TICAM2: variants seen among roughly 807,000 people sequenced by gnomAD.
The protein encoded by TICAM2 is TIR domain-containing adapter molecule 2.
TICAM2 carries 8 observed loss-of-function variants against 7.3 expected under a neutral mutation model. The observed-to-expected ratio is 1.10, with a 90% CI of 0.65 to 1.99. TICAM2 has a LOEUF of 1.99. Among genes scored for constraint, TICAM2 ranks in the 30% most tolerant of loss-of-function variants. The pLI, the probability that TICAM2 is intolerant of heterozygous loss-of-function variation, is 0.00. For synonymous variants in TICAM2, 113 were observed against 99.6 expected (o/e 1.13, Z -0.80); for missense variants, 304 against 278.8 (o/e 1.09, Z -0.65).
chr5:115,590,888 C>G (rs1431696199), intron 1 of TICAM2, among the ~76,000 whole-genome samples: 1 of 152,122 alleles, frequency 6.6e-6, no homozygotes, highest in African/African-American at 2.4e-5. Flanking sequence ...ACTATACCAT[C>G]ATGTGTCAGT....
Position 115,581,312 on chromosome 5 carries a change from C to A in TICAM2, c.-56G>T. On this transcript the variant is annotated 5_prime_UTR_variant, in exon 2 of 2. Transcript: ENST00000427199. ...TTATGTATTTCTCAGCATTTCTTTT[C>A]AATCTAAAAGAAGTAACAAAACAGA... is the stretch of plus-strand genomic sequence containing the variant. 1 of 1,597,002 alleles carries A rather than the reference C, an allele frequency of 6.3e-7. No individual in the cohort carries two copies. Among genetic ancestry groups the A allele is most frequent in the South Asian group, 1.1e-5 (1 of 90,552 alleles).
rs181777244 is a variant in TICAM2 at position 115,592,446 on chromosome 5, T to A, written c.-60+9651A>T. On this transcript the variant is annotated intron_variant, in intron 1 of 1. Transcript: ENST00000427199. The stretch of plus-strand genomic sequence containing the variant: ...CCATGATGGTTTGCTGCACAGATCA[T>A]CCCATCACCTAGGTATTAAGGCCAG... Among the ~76,000 whole-genome samples the A allele has an allele frequency of 4.0e-3, 610 of 152,294 alleles. 3 individuals are homozygous for A. The highest frequency in any genetic ancestry group is 7.2e-3 in the South Asian group (35 of 4,828).
chr5:115,601,632 C>G (rs1003212195), intron 1 of TICAM2, among the ~76,000 whole-genome samples: 1 of 152,202 alleles, frequency 6.6e-6, no homozygotes, highest in East Asian at 1.9e-4. Flanking sequence ...CCGTGGAAAG[C>G]TGGAGAGGTC....
intron 1 of TICAM2, chr5:115,582,054 AACTCTAGAAACAAAG>A (rs1199371086): frequency 2.6e-5 from 4 of 152,248 alleles, no homozygotes; most frequent in African/African-American, 9.6e-5. Context: ...TTTGGAAATG[AACTCTAGAAACAAAG>A]ACTTGAGACT....
intron 1 of TICAM2, among the ~76,000 whole-genome samples, chr5:115,595,500 C>A (rs557981934): frequency 2.6e-4 from 39 of 152,226 alleles, no homozygotes; most frequent in Non-Finnish European, 4.9e-4. Context: ...TTACAAATTC[C>A]CATAATATCC....
chr5:115,587,556 C>T, intron 1 of TICAM2, among the ~76,000 whole-genome samples: 1 of 152,170 alleles, frequency 6.6e-6, no homozygotes, highest in East Asian at 1.9e-4. Flanking sequence ...GAGCCCCAAA[C>T]AGATGAAGTG....
At chr5:115,589,413 G>C (rs766886711) in intron 1 of TICAM2, among the ~76,000 whole-genome samples, 7 of 152,192 alleles carry the variant, frequency 4.6e-5, no homozygotes, top group African/African-American at 1.7e-4. Context: ...GTATTTTCAG[G>C]AACAGAATGA....
At chr5:115,586,245 T>C (rs1321799026) in intron 1 of TICAM2, among the ~76,000 whole-genome samples, 1 of 152,212 alleles carries the variant, frequency 6.6e-6, no homozygotes, top group African/African-American at 2.4e-5. Context: ...TAAGATTAAC[T>C]ATTCCTACAG....
intron 1 of TICAM2, among the ~76,000 whole-genome samples, chr5:115,594,678 GA>G (rs1021721399): frequency 6.6e-6 from 1 of 151,804 alleles, no homozygotes; most frequent in Admixed American, 6.6e-5. Flanking sequence ...AGACCTGTTA[GA>G]AAAAAAATAT....
At chr5:115,594,379 C>T (rs1755427469) in intron 1 of TICAM2, among the ~76,000 whole-genome samples, 1 of 152,128 alleles carries the variant, frequency 6.6e-6, no homozygotes, top group South Asian at 2.1e-4. Flanking sequence ...TTCATGAGAG[C>T]ACTGTTTGTC....
chr5:115,578,791 T>G lies in TICAM2; in HGVS notation c.*1758A>C, dbSNP rs1415294673. 2 of 152,088 alleles carry G rather than the reference T, an allele frequency of 1.3e-5. No homozygotes were observed. Among genetic ancestry groups the G allele is most frequent in the African/African-American group, 4.8e-5 (2 of 41,396 alleles). 9.4% of individuals were successfully genotyped at this position (152,088 alleles called of 1,614,324 possible). On this transcript the variant is annotated 3_prime_UTR_variant, in exon 2 of 2. Transcript: ENST00000427199. The stretch of plus-strand genomic sequence containing the variant: ...AGCATTATGGCAAAAAAATGAATAC[T>G]TATTATGAAAACTGAAAAAGAGAAG...
intron 1 of TICAM2, among the ~76,000 whole-genome samples, chr5:115,591,811 C>T (rs1385613269): frequency 6.6e-6 from 1 of 151,950 alleles, no homozygotes; most frequent in Non-Finnish European, 1.5e-5. Flanking sequence ...GAAGGTGTAA[C>T]AAATGTGTAA....
chr5:115,599,271 C>T (rs1295908792), intron 1 of TICAM2, among the ~76,000 whole-genome samples: 1 of 151,982 alleles, frequency 6.6e-6, no homozygotes, highest in African/African-American at 2.4e-5. Flanking sequence ...TTCCTATTGC[C>T]CCTATTGGTG....
Position 115,580,994 on chromosome 5 carries a change from T to C in TICAM2, c.263A>G (p.Asp88Gly). 6.2e-7 allele frequency: 1 copy of C among 1,614,050 alleles called. No individual in the cohort carries two copies. The highest frequency in any genetic ancestry group is 8.5e-7 in the Non-Finnish European group (1 of 1,179,960). ...FLKFVILHAE[D>G]DTDEALRVQN... ...GACTCTGAGGGCTTCATCTGTGTCA[T>C]CTTCTGCATGCAATATCACAAATTT... The change falls in exon 2 of 2, where the codon GAT (aspartate) becomes GGT (glycine). Residue 88 changes from aspartate to glycine, a missense_variant. Transcript: ENST00000427199.
intron 1 of TICAM2, chr5:115,581,923 A>G (rs1243908523): frequency 6.6e-6 from 1 of 152,340 alleles, no homozygotes; most frequent in Non-Finnish European, 1.5e-5. Context: ...GTGATGGTGA[A>G]TCTAATGGAG....
At chr5:115,586,304 A>G (rs1755102657) in intron 1 of TICAM2, among the ~76,000 whole-genome samples, 1 of 152,080 alleles carries the variant, frequency 6.6e-6, no homozygotes, top group Non-Finnish European at 1.5e-5. Context: ...ATAGTTGATG[A>G]TCTGTCTTTA....
chr5:115,581,137 T>C lies in TICAM2; in HGVS notation c.120A>G (p.Leu40=). 1.9e-6 allele frequency: 3 copies of C among 1,614,168 alleles called. No homozygotes were observed. Among genetic ancestry groups the C allele is most frequent in the South Asian group, 1.1e-5 (1 of 91,070 alleles). The change falls in exon 2 of 2, where the codon CTA becomes CTG. Residue 40 remains leucine, a synonymous_variant. Transcript: ENST00000427199. The part of the protein sequence containing the change: ...HESDSKKSED[L]SLCNVAEHSN... ...TGTGCTCAGCAACATTACACAAGGA[T>C]AGATCTTCAGACTTCTTGGAATCTG...
intron 1 of TICAM2, among the ~76,000 whole-genome samples, chr5:115,592,667 G>A (rs1346061164): frequency 6.6e-6 from 1 of 152,144 alleles, no homozygotes. Flanking sequence ...GCATAACCAT[G>A]ACACCAAGAA....
At chr5:115,592,493 A>G (rs1755345512) in intron 1 of TICAM2, among the ~76,000 whole-genome samples, 1 of 152,228 alleles carries the variant, frequency 6.6e-6, no homozygotes, top group South Asian at 2.1e-4. Context: ...TATTCTTCCT[A>G]ACCCTCTCTC....
Sources: gnomAD v4.1 joint callset for allele counts (sites outside exome capture counted in the v4.1 genomes callset) on GRCh38, gnomAD v4.1.1 for gene constraint, MANE v1.5 for transcripts, NCBI Gene and HGNC (gene_info 2026-07-23, HGNC 2026-07-21) for gene names.